The following ARL10 variants were observed in gnomAD, a reference collection of about 807,000 sequenced individuals.
The protein encoded by ARL10 is ARF like GTPase 10.
ARL10 carries 23 observed loss-of-function variants against 26.1 expected under a neutral mutation model. The ratio of observed to expected loss-of-function variants is 0.88; its 90% CI spans 0.63 to 1.25. The LOEUF is 1.25. Ranked by LOEUF, ARL10 falls within the 50% of genes most tolerant of loss-of-function variation. ARL10 has a pLI of 0.00. For synonymous variants in ARL10, 138 were observed against 149.1 expected (o/e 0.93, Z 0.54); for missense variants, 300 against 323.6 (o/e 0.93, Z 0.56).
At chr5:176,394,489 T>C (rs1040008684) in intron 1 of ARL10, among the ~76,000 whole-genome samples, 11 of 151,736 alleles carry the variant, frequency 7.2e-5, no homozygotes, top group African/African-American at 2.7e-4. Context: ...CTGGCCAACA[T>C]GGTGAAACCC....
chr5:176,409,782 T>TA, the ARL10 span, among the ~76,000 whole-genome samples: 1 of 152,216 alleles, frequency 6.6e-6, no homozygotes, highest in African/African-American at 2.4e-5. Context: ...GCTGGACACT[T>TA]AGGTTGTCTC....
the ARL10 span, among the ~76,000 whole-genome samples, chr5:176,409,583 T>C: frequency 6.6e-6 from 1 of 151,942 alleles, no homozygotes; most frequent in Non-Finnish European, 1.5e-5. Flanking sequence ...CTGGCTAATT[T>C]TCTGTATTTT....
At chr5:176,369,891 C>T (rs998232956) in intron 3 of ARL10, among the ~76,000 whole-genome samples, 32 of 149,290 alleles carry the variant, frequency 2.1e-4, no homozygotes, top group African/African-American at 7.2e-4. Flanking sequence ...CCCAGGAGGT[C>T]GAGGCTGCAG....
At position 176,375,513 on chromosome 5, in the gene ARL10, C is replaced by G. The variant is rs1768677819; in HGVS notation, c.*3618C>G. On this transcript the variant is annotated 3_prime_UTR_variant, in exon 4 of 4. Transcript: ENST00000310389. Reference sequence around the variant, plus strand: ...GGAATATTTGCTCAGGGGAAACTAACTAATCATCTGTTTCAAGGTTGGTAT... The same window carrying G: ...GGAATATTTGCTCAGGGGAAACTAAGTAATCATCTGTTTCAAGGTTGGTAT... 6.6e-6 allele frequency: 1 copy of G among 152,154 alleles called. No individual in the cohort carries two copies. The allele number at this position is 152,154 out of a possible 1,614,324, so 9.4% of individuals were successfully genotyped here.
At chr5:176,409,860 G>A in the ARL10 span, among the ~76,000 whole-genome samples, 1 of 152,148 alleles carries the variant, frequency 6.6e-6, no homozygotes, top group African/African-American at 2.4e-5. Context: ...ATTTCCTTTG[G>A]GAAAATTCTG....
chr5:176,384,214 GC>G, downstream of ARL10: 6 of 1,614,182 alleles, frequency 3.7e-6, no homozygotes, highest in Non-Finnish European at 5.1e-6. Flanking sequence ...GCCTGGGGCA[GC>G]TGTGATGTAA....
downstream of ARL10, among the ~76,000 whole-genome samples, chr5:176,404,008 G>A (rs1049130028): frequency 3.9e-5 from 6 of 152,138 alleles, no homozygotes; most frequent in Non-Finnish European, 7.4e-5. Flanking sequence ...GCCTGCCTCA[G>A]CCTCCCAAAG....
At chr5:176,409,172 C>T in the ARL10 span, among the ~76,000 whole-genome samples, 1 of 151,872 alleles carries the variant, frequency 6.6e-6, no homozygotes, top group East Asian at 1.9e-4. Flanking sequence ...GGTGCGGTTT[C>T]ACCGTGTTAG....
At chr5:176,386,904 C>T (rs1011453221), downstream of ARL10, 10 of 1,613,956 alleles carry the variant, frequency 6.2e-6, no homozygotes, top group Non-Finnish European at 1.7e-6. Context: ...CCTCCATGGC[C>T]TTCACCTGCA....
In ARL10 at chr5:176,365,743, G is replaced by A; in HGVS notation, c.180G>A (p.Trp60Ter). Residue 60 changes from tryptophan (W) to a stop codon, truncating the protein, a stop_gained, in exon 1 of 4, where the codon TGG (tryptophan) becomes TGA (stop). Coordinates refer to ENST00000310389, the MANE Select transcript of ARL10 (RefSeq NM_173664.6). LOFTEE classifies it high-confidence loss of function. ...EAARLPEWDE[W>*]DPEDEEDEEP... The stretch of plus-strand genomic sequence containing the variant: ...CCCGCCTCCCCGAGTGGGACGAGTG[G>A]GACGTGAGTGCCGGGCCGAGGCCTG... The A allele has an allele frequency of 8.1e-7, 1 of 1,236,118 alleles. No homozygotes were observed. The highest frequency in any genetic ancestry group is 1.0e-6 in the Non-Finnish European group (1 of 989,310). The allele number at this position is 1,236,118 out of a possible 1,614,324, so 76.6% of individuals were successfully genotyped here.
At chr5:176,384,190 C>G (rs140981968), downstream of ARL10, 7 of 1,613,978 alleles carry the variant, frequency 4.3e-6, no homozygotes, top group Admixed American at 5.0e-5. Flanking sequence ...TTCACTGGTC[C>G]GGGGGACGCC....
chr5:176,399,994 C>T (rs1756735009), intron 1 of ARL10, among the ~76,000 whole-genome samples: 1 of 151,984 alleles, frequency 6.6e-6, no homozygotes, highest in Admixed American at 6.6e-5. Context: ...GAGTTCGAGA[C>T]CAGCCTGACC....
chr5:176,414,713 AGATTGG>A, the ARL10 span, among the ~76,000 whole-genome samples: 2 of 152,330 alleles, frequency 1.3e-5, no homozygotes, highest in East Asian at 3.9e-4. Context: ...ATCAAGTCCT[AGATTGG>A]TCATTCCTGG....
chr5:176,402,523 C>A (rs1158561215), downstream of ARL10, among the ~76,000 whole-genome samples: 1 of 152,100 alleles, frequency 6.6e-6, no homozygotes, highest in Non-Finnish European at 1.5e-5. Context: ...TAGGGCTTCC[C>A]CTGCCTCCTG....
chr5:176,397,259 C>G (rs1045408727), intron 1 of ARL10, among the ~76,000 whole-genome samples: 3 of 152,098 alleles, frequency 2.0e-5, no homozygotes, highest in Admixed American at 2.0e-4. Flanking sequence ...AAGGACAGAG[C>G]CTCAAAGGCA....
chr5:176,385,255 C>T (rs778885926), downstream of ARL10: 24 of 1,611,022 alleles, frequency 1.5e-5, no homozygotes, highest in Middle Eastern at 3.3e-4. Context: ...TACCATGTAG[C>T]GTACATAGTC....
At chr5:176,388,994 C>A (rs1756137819), downstream of ARL10, 1 of 1,613,380 alleles carries the variant, frequency 6.2e-7, no homozygotes, top group African/African-American at 1.3e-5. Flanking sequence ...GCGGTAGGAA[C>A]TGCACAAGGA....
downstream of ARL10, chr5:176,389,092 G>C (rs1756146917): frequency 2.9e-6 from 4 of 1,359,334 alleles, no homozygotes; most frequent in Admixed American, 3.9e-5. Context: ...GAAGAGACGA[G>C]GGGGCGGGGC....
At chr5:176,392,601 A>C, downstream of ARL10, 1 of 655,614 alleles carries the variant, frequency 1.5e-6, no homozygotes, top group South Asian at 1.9e-5. This position sits in a 1 kb window ranked among gnomAD's most constrained non-coding sequence, Gnocchi z 5.2. Flanking sequence ...CCAGAGGGCC[A>C]GGAGGGAGCG....
Sources: allele counts gnomAD v4.1 joint callset (sites outside exome capture counted in the v4.1 genomes callset), GRCh38; gene constraint gnomAD v4.1.1; non-coding constraint Gnocchi (gnomAD v3.1); transcripts MANE v1.5; gene names NCBI Gene and HGNC (gene_info 2026-07-23, HGNC 2026-07-21).